Variants in SYN3 observed in about 807,000 individuals in gnomAD.
SYN3 encodes synapsin-3.
SYN3 carries 35 observed loss-of-function variants against 65.8 expected under a neutral mutation model. The ratio of observed to expected loss-of-function variants is 0.53; its 90% CI spans 0.41 to 0.70. SYN3 has a LOEUF of 0.70. Ranked by LOEUF, SYN3 falls within the 30% of genes least tolerant of loss-of-function variation. The pLI, the probability that SYN3 is intolerant of heterozygous loss-of-function variation, is 0.00. For missense variants in SYN3, 680 were observed against 749.0 expected, an observed-to-expected ratio of 0.91 and a Z score of 1.08; for synonymous variants, 270 against 292.9, an observed-to-expected ratio of 0.92 and a Z score of 0.80.
intron 6 of SYN3, among the ~76,000 whole-genome samples, chr22:32,818,659 G>A (rs1335386746): frequency 6.6e-6 from 1 of 152,198 alleles, no homozygotes; most frequent in African/African-American, 2.4e-5. Flanking sequence ...CTCCCCTCCG[G>A]CGCTGGGCCT....
chr22:32,713,605 C>T (rs1033633526), intron 6 of SYN3, among the ~76,000 whole-genome samples: 2 of 152,020 alleles, frequency 1.3e-5, no homozygotes, highest in African/African-American at 4.8e-5. Context: ...CCGAGGCGGG[C>T]GGATCACAAG....
intron 3 of SYN3, among the ~76,000 whole-genome samples, chr22:32,976,297 G>A (rs1281643767): frequency 1.3e-5 from 2 of 152,034 alleles, no homozygotes; most frequent in African/African-American, 2.4e-5. Flanking sequence ...TCAAGGGCAG[G>A]GTTTATACCT....
In SYN3 at chr22:32,931,373, A is replaced by AT. The variant is rs1569335773; in HGVS notation, c.461+16dup. The stretch of plus-strand genomic sequence containing the variant: ...ATGCAATTCTCAGAAGGTTCTGCAT[A>AT]TTTTAATCCTACTTACCTCACCACT... On this transcript the variant is annotated intron_variant, in intron 4 of 13. Transcript: ENST00000358763. 1 of 1,571,368 alleles carries AT rather than the reference A, an allele frequency of 6.4e-7. No individual in the cohort carries two copies. The highest frequency in any genetic ancestry group is 8.8e-7 in the Non-Finnish European group (1 of 1,141,192).
chr22:32,532,635 G>A (rs1221079938), intron 10 of SYN3, among the ~76,000 whole-genome samples: 3 of 109,934 alleles, frequency 2.7e-5, no homozygotes, highest in South Asian at 2.6e-4. Flanking sequence ...AGGCCTGGGT[G>A]TGAACACCCT....
intron 3 of SYN3, among the ~76,000 whole-genome samples, chr22:32,961,521 A>C (rs2051652272): frequency 6.6e-6 from 1 of 152,180 alleles, no homozygotes; most frequent in Non-Finnish European, 1.5e-5. Flanking sequence ...TATATTTACC[A>C]ACTGAGCTCA....
At chr22:32,957,223 T>C (rs1304446628) in intron 3 of SYN3, among the ~76,000 whole-genome samples, 1 of 152,148 alleles carries the variant, frequency 6.6e-6, no homozygotes, top group Non-Finnish European at 1.5e-5. Context: ...ACAATCCTCT[T>C]TTCTCCCAAG....
chr22:32,898,006 T>G (rs1012274961), intron 4 of SYN3, among the ~76,000 whole-genome samples: 2 of 152,088 alleles, frequency 1.3e-5, no homozygotes, highest in Non-Finnish European at 1.5e-5. Flanking sequence ...TTTGTTTGTT[T>G]GTTTTTGAGA....
At chr22:32,836,360 T>C (rs921905157) in intron 6 of SYN3, among the ~76,000 whole-genome samples, 8 of 152,228 alleles carry the variant, frequency 5.3e-5, no homozygotes, top group African/African-American at 1.7e-4. Flanking sequence ...TCTCCTTCTT[T>C]ATCAATGACT....
intron 7 of SYN3, among the ~76,000 whole-genome samples, chr22:32,549,074 C>CT (rs1179198750): frequency 6.6e-6 from 1 of 152,096 alleles, no homozygotes; most frequent in Non-Finnish European, 1.5e-5. Context: ...GTAGGGCGGA[C>CT]TGCCACCGGG....
chr22:32,943,018 C>A (rs535142661), intron 3 of SYN3, among the ~76,000 whole-genome samples: 2 of 152,354 alleles, frequency 1.3e-5, no homozygotes, highest in South Asian at 4.1e-4. Flanking sequence ...GTGGAAAACA[C>A]TCTGCAGGAT....
At chr22:32,728,442 A>T (rs2061226375) in intron 6 of SYN3, among the ~76,000 whole-genome samples, 2 of 152,152 alleles carry the variant, frequency 1.3e-5, no homozygotes, top group Non-Finnish European at 2.9e-5. Context: ...TCCTCTTTTT[A>T]GCTGGAAAGC....
At chr22:32,556,803 G>A (rs2157190) in intron 7 of SYN3, among the ~76,000 whole-genome samples, 1 of 35,262 alleles carries the variant, frequency 2.8e-5, no homozygotes, top group African/African-American at 9.5e-5. Flanking sequence ...TAGGTTTCCT[G>A]GTTTTTTTTT....
intron 3 of SYN3, among the ~76,000 whole-genome samples, chr22:32,955,899 T>C (rs1569355109): frequency 6.6e-6 from 1 of 152,018 alleles, no homozygotes; most frequent in Non-Finnish European, 1.5e-5. Context: ...TTTTTCTCCA[T>C]GGTGGATGCT....
At chr22:32,855,614 C>T (rs1370111404) in intron 6 of SYN3, among the ~76,000 whole-genome samples, 3 of 152,106 alleles carry the variant, frequency 2.0e-5, no homozygotes, top group African/African-American at 7.2e-5. Context: ...CATGGTGATT[C>T]GTGGGCTAAT....
intron 2 of SYN3, among the ~76,000 whole-genome samples, chr22:32,999,613 G>A (rs940629472): frequency 6.6e-6 from 1 of 152,188 alleles, no homozygotes; most frequent in Non-Finnish European, 1.5e-5. Flanking sequence ...AACCTCGGAG[G>A]TGGAGGTTGC....
At chr22:32,897,021 G>C (rs2049611803) in intron 4 of SYN3, among the ~76,000 whole-genome samples, 1 of 152,102 alleles carries the variant, frequency 6.6e-6, no homozygotes, top group Non-Finnish European at 1.5e-5. Flanking sequence ...CTGAGGCCTT[G>C]AGCTGCAGGA....
chr22:32,519,860 C>T (rs2057847609), intron 12 of SYN3, among the ~76,000 whole-genome samples: 1 of 152,072 alleles, frequency 6.6e-6, no homozygotes, highest in Non-Finnish European at 1.5e-5. Flanking sequence ...CGTTAGGAGA[C>T]TGAAAACTAA....
chr22:32,616,116 G>A (rs775448776), intron 6 of SYN3, among the ~76,000 whole-genome samples: 1 of 152,188 alleles, frequency 6.6e-6, no homozygotes, highest in Non-Finnish European at 1.5e-5. Flanking sequence ...GCCAGGAGCC[G>A]GAGTGACAGC....
intron 5 of SYN3, among the ~76,000 whole-genome samples, chr22:32,867,101 T>C (rs1285990968): frequency 6.6e-6 from 1 of 152,190 alleles, no homozygotes; most frequent in Non-Finnish European, 1.5e-5. Flanking sequence ...CCTAGGAATC[T>C]GGCTTCAGAG....
Sources: allele counts gnomAD v4.1 joint callset (sites outside exome capture counted in the v4.1 genomes callset), GRCh38; gene constraint gnomAD v4.1.1; transcripts MANE v1.5; gene names NCBI Gene and HGNC (gene_info 2026-07-23, HGNC 2026-07-21).